PRMT3: variants seen among roughly 807,000 people sequenced by gnomAD.
PRMT3 encodes the protein protein arginine methyltransferase 3.
Under a neutral mutation model 71.9 loss-of-function variants are expected in PRMT3, and 62 were observed. The observed-to-expected ratio is 0.86, with a 90% CI of 0.70 to 1.07. PRMT3 has a LOEUF of 1.07. PRMT3 is among the 50% of genes least tolerant of loss of function. PRMT3 has a pLI of 0.00. For synonymous variants in PRMT3, 213 were observed against 220.4 expected (o/e 0.97, Z 0.30); for missense variants, 663 against 643.0 (o/e 1.03, Z -0.34).
chr11:20,492,825 G>A (rs183099545), intron 13 of PRMT3, among the ~76,000 whole-genome samples: 4 of 152,292 alleles, frequency 2.6e-5, no homozygotes, highest in African/African-American at 4.8e-5. Context: ...TTGGGAAGCC[G>A]AAGTGGGTGA....
chr11:20,401,478 C>G (rs1848947329), intron 7 of PRMT3, among the ~76,000 whole-genome samples: 1 of 151,780 alleles, frequency 6.6e-6, no homozygotes. Context: ...TAATTATGGA[C>G]AATTCCCTTT....
intron 13 of PRMT3, among the ~76,000 whole-genome samples, chr11:20,491,573 C>T (rs1414669322): frequency 1.3e-5 from 2 of 152,174 alleles, no homozygotes; most frequent in African/African-American, 2.4e-5. Flanking sequence ...CTTTGTTATG[C>T]TGTTTTGAGG....
At chr11:20,463,899 A>C (rs1590083431) in intron 12 of PRMT3, among the ~76,000 whole-genome samples, 1 of 3,938 alleles carries the variant, frequency 2.5e-4, no homozygotes, top group African/African-American at 3.4e-4. Context: ...CTCTGGATCG[A>C]AATCTCCATA....
At chr11:20,489,388 A>G (rs1273966594) in intron 13 of PRMT3, among the ~76,000 whole-genome samples, 3 of 152,212 alleles carry the variant, frequency 2.0e-5, no homozygotes, top group Non-Finnish European at 1.5e-5. Context: ...TTCTGCAGTC[A>G]GCCTTCAGAC....
chr11:20,414,916 TAACA>T (rs1196782261), intron 9 of PRMT3, among the ~76,000 whole-genome samples: 2 of 152,080 alleles, frequency 1.3e-5, no homozygotes, highest in African/African-American at 4.8e-5. Context: ...CCCTAACACC[TAACA>T]AAGTGTCTGA....
chr11:20,409,451 A>G (rs2133325423), intron 9 of PRMT3, among the ~76,000 whole-genome samples: 1 of 152,300 alleles, frequency 6.6e-6, no homozygotes, highest in East Asian at 1.9e-4. Flanking sequence ...CATAGTAAAT[A>G]TTTTGAGGTG....
intron 8 of PRMT3, chr11:20,405,788 G>A (rs969228065): frequency 2.6e-5 from 4 of 151,926 alleles, no homozygotes; most frequent in South Asian, 2.1e-4. Flanking sequence ...TTTTACCCCC[G>A]TGTTTTTTCT....
intron 15 of PRMT3, among the ~76,000 whole-genome samples, chr11:20,499,626 T>TA (rs958587937): frequency 9.9e-4 from 150 of 151,300 alleles, no homozygotes; most frequent in Middle Eastern, 3.4e-3. Context: ...GTCCTATTTC[T>TA]AAAAAAAAAT....
At chr11:20,499,975 GGGA>G (rs1197429215) in intron 15 of PRMT3, among the ~76,000 whole-genome samples, 2 of 152,120 alleles carry the variant, frequency 1.3e-5, no homozygotes, top group African/African-American at 4.8e-5. Context: ...GCAAATAATT[GGGA>G]GGAGAAGACC....
At chr11:20,492,750 G>T (rs1431418624) in intron 13 of PRMT3, among the ~76,000 whole-genome samples, 2 of 152,178 alleles carry the variant, frequency 1.3e-5, no homozygotes, top group Non-Finnish European at 2.9e-5. Context: ...ATCTGAGTAT[G>T]TTAATTTCTT....
chr11:20,391,606 G>GT (rs547563693), intron 3 of PRMT3, among the ~76,000 whole-genome samples: 74 of 145,702 alleles, frequency 5.1e-4, no homozygotes, highest in South Asian at 4.1e-3. Context: ...ATTTTGTTTT[G>GT]TTTTTTTTTT....
intron 2 of PRMT3, among the ~76,000 whole-genome samples, chr11:20,389,079 T>C (rs1848657951): frequency 6.6e-6 from 1 of 152,216 alleles, no homozygotes; most frequent in Non-Finnish European, 1.5e-5. Flanking sequence ...ATAGTCGACA[T>C]AACCTATCTC....
intron 14 of PRMT3, 26 bp downstream of exon 14, chr11:20,493,995 G>C (rs1430906574): frequency 6.6e-7 from 1 of 1,526,316 alleles, no homozygotes; most frequent in Non-Finnish European, 9.0e-7. Context: ...TATCTCATAA[G>C]AATTAATTAT....
At chr11:20,484,148 G>A (rs1418539846) in intron 13 of PRMT3, among the ~76,000 whole-genome samples, 5 of 152,206 alleles carry the variant, frequency 3.3e-5, no homozygotes, top group Admixed American at 6.5e-5. Flanking sequence ...GCCCAGGCAT[G>A]CTTAGGCAGT....
At chr11:20,476,526 C>T (rs370083334) in intron 13 of PRMT3, among the ~76,000 whole-genome samples, 7 of 152,200 alleles carry the variant, frequency 4.6e-5, no homozygotes, top group South Asian at 2.1e-4. Flanking sequence ...ATAAATTTTA[C>T]GGCCAACATT....
At chr11:20,477,822 G>C (rs1850832533) in intron 13 of PRMT3, among the ~76,000 whole-genome samples, 1 of 134,100 alleles carries the variant, frequency 7.5e-6, no homozygotes, top group Non-Finnish European at 1.6e-5. Flanking sequence ...CCCACTTCCT[G>C]TTTTGCAGCA....
chr11:20,413,881 T>G (rs979808055), intron 9 of PRMT3, among the ~76,000 whole-genome samples: 2 of 152,174 alleles, frequency 1.3e-5, no homozygotes, highest in African/African-American at 4.8e-5. Context: ...TAACAGGCTC[T>G]AAGTTGTCCT....
At chr11:20,485,705 G>A (rs1469184229) in intron 13 of PRMT3, among the ~76,000 whole-genome samples, 1 of 152,138 alleles carries the variant, frequency 6.6e-6, no homozygotes, top group Non-Finnish European at 1.5e-5. Flanking sequence ...ACAAGAAAAG[G>A]TCTAATTACA....
chr11:20,401,118 AT>A (rs1300462825), intron 7 of PRMT3, among the ~76,000 whole-genome samples: 16 of 152,140 alleles, frequency 1.1e-4, no homozygotes, highest in African/African-American at 3.1e-4. Context: ...AGAATGAAAG[AT>A]TGTAGTTTAG....
Sources: allele counts gnomAD v4.1 joint callset (sites outside exome capture counted in the v4.1 genomes callset), GRCh38; gene constraint gnomAD v4.1.1; transcripts MANE v1.5; gene names NCBI Gene and HGNC (gene_info 2026-07-23, HGNC 2026-07-21).